The following SFXN5 variants were observed in gnomAD, a reference collection of about 807,000 sequenced individuals.
SFXN5 encodes sideroflexin-5.
SFXN5 carries 43 observed loss-of-function variants against 50.2 expected under a neutral mutation model. The observed-to-expected ratio is 0.86, with a 90% CI of 0.67 to 1.11. The LOEUF (loss-of-function observed/expected upper bound fraction) is 1.11, where lower values mean the gene tolerates loss of function less well. SFXN5 is among the 50% of genes least tolerant of loss of function. The pLI is 0.00. For synonymous variants in SFXN5, 203 were observed against 185.8 expected, an observed-to-expected ratio of 1.09 and a Z score of -0.75; for missense variants, 463 against 454.1, an observed-to-expected ratio of 1.02 and a Z score of -0.18.
intron 5 of SFXN5, 63 bp from the exon 6 acceptor site, chr2:73,020,327 G>A (rs1351335003): frequency 1.7e-5 from 26 of 1,569,272 alleles, no homozygotes; most frequent in Non-Finnish European, 2.3e-5. Context: ...GAGATACCCA[G>A]GAGCCTCCGG....
At chr2:73,071,348 C>T (rs1345305682) in intron 1 of SFXN5, 2 of 459,016 alleles carry the variant, frequency 4.4e-6, no homozygotes, top group Non-Finnish European at 7.7e-6. Context: ...GCGCCGCGGG[C>T]GGGAAAGGCT....
intron 2 of SFXN5, among the ~76,000 whole-genome samples, chr2:73,055,598 C>CTTTTT (rs570909541): frequency 7.5e-6 from 1 of 133,930 alleles, no homozygotes; most frequent in Admixed American, 7.6e-5. Flanking sequence ...TTTTCTTTTT[C>CTTTTT]TTTTTTTTTT....
chr2:73,064,429 T>C (rs567033847), intron 1 of SFXN5, among the ~76,000 whole-genome samples: 1 of 152,190 alleles, frequency 6.6e-6, no homozygotes, highest in Non-Finnish European at 1.5e-5. Context: ...GTGTGACTCT[T>C]GGAAATTATG....
At chr2:72,997,144 G>T (rs947909999) in intron 9 of SFXN5, 1 of 152,184 alleles carries the variant, frequency 6.6e-6, no homozygotes, top group Non-Finnish European at 1.5e-5. Flanking sequence ...AAGACATAAG[G>T]ATTTGGGAAA....
At chr2:73,010,274 T>C (rs985068062) in intron 6 of SFXN5, among the ~76,000 whole-genome samples, 1 of 152,232 alleles carries the variant, frequency 6.6e-6, no homozygotes. Context: ...GAATGTTGCA[T>C]GGAAATTCCC....
At chr2:72,955,057 GC>G (rs1350613432) in intron 13 of SFXN5, among the ~76,000 whole-genome samples, 2 of 152,196 alleles carry the variant, frequency 1.3e-5, no homozygotes, top group Non-Finnish European at 2.9e-5. Flanking sequence ...CCACGGGACA[GC>G]CCCTCCACCC....
At chr2:72,978,109 G>A (rs139191876) in intron 10 of SFXN5, among the ~76,000 whole-genome samples, 329 of 150,650 alleles carry the variant, frequency 2.2e-3, no homozygotes, top group Non-Finnish European at 4.0e-3. Context: ...AATCTATCTA[G>A]AATTTTTTTT....
At chr2:72,969,772 C>A (rs1674932579) in intron 11 of SFXN5, among the ~76,000 whole-genome samples, 1 of 150,730 alleles carries the variant, frequency 6.6e-6, no homozygotes, top group Non-Finnish European at 1.5e-5. Flanking sequence ...CTGGATGAGT[C>A]TTTCTCAGTG....
chr2:72,989,788 A>G (rs981685369), intron 9 of SFXN5, among the ~76,000 whole-genome samples: 1 of 152,202 alleles, frequency 6.6e-6, no homozygotes, highest in African/African-American at 2.4e-5. Flanking sequence ...ATGAAACCAG[A>G]AAAGGAGTTG....
intron 10 of SFXN5, among the ~76,000 whole-genome samples, chr2:72,980,799 T>C (rs1671203712): frequency 1.3e-5 from 2 of 152,106 alleles, no homozygotes; most frequent in Admixed American, 1.3e-4. Flanking sequence ...AGCGACAACA[T>C]GCCCTCCTCT....
intron 10 of SFXN5, among the ~76,000 whole-genome samples, chr2:72,979,500 G>A (rs1574018104): frequency 1.3e-5 from 2 of 151,914 alleles, no homozygotes; most frequent in South Asian, 4.2e-4. Flanking sequence ...CAGGCATGGT[G>A]GCATGCACCT....
At chr2:73,047,910 T>A (rs1354538757) in intron 2 of SFXN5, among the ~76,000 whole-genome samples, 1 of 152,200 alleles carries the variant, frequency 6.6e-6, no homozygotes, top group Non-Finnish European at 1.5e-5. Flanking sequence ...AAGAGGATAT[T>A]TATTGCAATA....
chr2:73,024,748 G>A (rs1677342760), intron 3 of SFXN5, among the ~76,000 whole-genome samples: 1 of 152,212 alleles, frequency 6.6e-6, no homozygotes, highest in Admixed American at 6.5e-5. Flanking sequence ...GGAAGATACA[G>A]CCAGCAGCTG....
chr2:72,963,670 G>A (rs1477599659), intron 12 of SFXN5, among the ~76,000 whole-genome samples: 2 of 152,168 alleles, frequency 1.3e-5, no homozygotes, highest in Non-Finnish European at 2.9e-5. Context: ...GAAGCTGGGG[G>A]AGCGGACTCA....
Position 73,070,469 on chromosome 2 carries a change from AT to A in SFXN5, c.102+1134del, listed in dbSNP as rs1278580397. ...AAGCCACCGCACCGACCTTAGCACA[AT>A]TTCCTTTCTTCCTTCAAAGTTCTTT... On this transcript the variant is annotated intron_variant, in intron 1 of 13. Transcript: ENST00000272433. 3 of 152,212 alleles carry A rather than the reference AT, an allele frequency of 2.0e-5. No individual in the cohort carries two copies. In the East Asian group the frequency reaches 5.8e-4, roughly 29 times the overall value. 9.4% of individuals were successfully genotyped at this position (152,212 alleles called of 1,614,324 possible).
At chr2:72,988,385 A>C in intron 9 of SFXN5, 37 bp from the exon 10 acceptor site, 1 of 1,577,810 alleles carries the variant, frequency 6.3e-7, no homozygotes, top group Non-Finnish European at 8.7e-7. Context: ...GAAAAAGTAC[A>C]TGATGCTGCA....
intron 9 of SFXN5, 128 bp downstream of exon 9, chr2:72,998,821 C>T (rs1673561431): frequency 1.0e-6 from 1 of 993,996 alleles, no homozygotes. Context: ...CCTGACTCCT[C>T]CACCCACAGA....
Position 72,992,525 on chromosome 2 carries a change from T to C in SFXN5, c.535-4177A>G, listed in dbSNP as rs7579770. On this transcript the variant is annotated intron_variant, in intron 9 of 13. Coordinates refer to ENST00000272433, the MANE Select transcript of SFXN5 (RefSeq NM_144579.3). This position sits in a 1 kb window ranked among gnomAD's most constrained non-coding sequence, Gnocchi z 4.5. ...CGCACCCCAAATGAAGGTTGTCTCG[T>C]TCTTCCTCACCCACACCCCAGCCTC... 0.34 allele frequency among the ~76,000 whole-genome samples: 52,269 copies of C among 152,020 alleles called. 11,254 individuals carry two copies. Among genetic ancestry groups the C allele is most frequent in the African/African-American group, 0.6 (25,038 of 41,440 alleles).
intron 2 of SFXN5, among the ~76,000 whole-genome samples, chr2:73,048,883 T>C (rs143090675): frequency 7.2e-5 from 11 of 152,334 alleles, no homozygotes; most frequent in Admixed American, 2.0e-4. Context: ...TTCTTCTCCT[T>C]TGTAATTGCT....
Sources: gnomAD v4.1 joint callset for allele counts (sites outside exome capture counted in the v4.1 genomes callset) on GRCh38, gnomAD v4.1.1 for gene constraint, Gnocchi (gnomAD v3.1) non-coding constraint, MANE v1.5 for transcripts, NCBI Gene and HGNC (gene_info 2026-07-23, HGNC 2026-07-21) for gene names.